The following PTPRN2 variants were observed in gnomAD, a reference collection of about 807,000 sequenced individuals.
PTPRN2 encodes protein tyrosine phosphatase receptor type N2.
Under a neutral mutation model 118.8 loss-of-function variants are expected in PTPRN2, and 74 were observed. The ratio of observed to expected loss-of-function variants is 0.62; its 90% confidence interval spans 0.52 to 0.76. The LOEUF is 0.76. PTPRN2 is among the 30% of genes least tolerant of loss of function. The pLI is 0.00. For synonymous variants in PTPRN2, 641 were observed against 608.0 expected, an observed-to-expected ratio of 1.05 and a Z score of -0.80; for missense variants, 1,481 against 1,394.4, an observed-to-expected ratio of 1.06 and a Z score of -0.99.
intron 12 of PTPRN2, chr7:157,862,421 A>G (rs1027897295): frequency 4.6e-5 from 7 of 152,208 alleles, no homozygotes; most frequent in African/African-American, 1.7e-4. Flanking sequence ...CACGTGTGCT[A>G]ATTTGCTGTA....
At position 157,590,363 on chromosome 7, in the gene PTPRN2, G is replaced by C. The variant is rs1563239559; in HGVS notation, c.2496+4875C>G. ...GACTTCCACAGACCCCTCTGAGCTG[G>C]AGTAAGGACCAGGAATTCAGCCGAA... is the stretch of plus-strand genomic sequence containing the variant. On this transcript the variant is annotated intron_variant, in intron 17 of 22. Coordinates refer to ENST00000389418, the MANE Select transcript of PTPRN2 (RefSeq NM_002847.5). This position sits in a 1 kb window ranked among gnomAD's most constrained non-coding sequence, Gnocchi z 4.0. Among the ~76,000 whole-genome samples, 1 of 152,188 alleles carries C rather than the reference G, an allele frequency of 6.6e-6. No homozygotes were observed. The highest frequency in any genetic ancestry group is 1.5e-5 in the Non-Finnish European group (1 of 68,032).
chr7:157,767,422 C>G lies in PTPRN2; in HGVS notation c.1789-84485G>C, dbSNP rs117204631. ...ACCCAATCTTTCTCTCTCCTTCTAC[C>G]TTGATAATGATGCCTGACACTTTGT... is the stretch of plus-strand genomic sequence containing the variant. On this transcript the variant is annotated intron_variant, in intron 12 of 22. Transcript: ENST00000389418. 3.9e-5 allele frequency among the ~76,000 whole-genome samples: 6 copies of G among 152,348 alleles called. No homozygotes were observed. The East Asian group carries it at 1.2e-3, about 29-fold the overall frequency.
At chr7:157,641,242 A>G (rs1804643586) in intron 14 of PTPRN2, among the ~76,000 whole-genome samples, 1 of 152,222 alleles carries the variant, frequency 6.6e-6, no homozygotes, top group Admixed American at 6.5e-5. Flanking sequence ...GAACTAGCCA[A>G]GGGGGAGAGA....
chr7:158,558,931 G>A (rs1827210138), intron 1 of PTPRN2, among the ~76,000 whole-genome samples: 1 of 152,076 alleles, frequency 6.6e-6, no homozygotes. Context: ...AATTATGACT[G>A]TATGTCATGT....
Position 157,682,713 on chromosome 7 carries a change from G to C in PTPRN2, c.2001+12C>G. On this transcript the variant is annotated intron_variant, in intron 13 of 22. Coordinates refer to ENST00000389418, the MANE Select transcript of PTPRN2 (RefSeq NM_002847.5). ...AATCCGATATACCACTTTTTAAAAA[G>C]TCTCCTCTTACCTGGTAGGCGGCAG... The C allele has an allele frequency of 6.2e-7, 1 of 1,607,788 alleles. No homozygotes were observed. Among genetic ancestry groups the C allele is most frequent in the Non-Finnish European group, 8.5e-7 (1 of 1,175,288 alleles).
rs543733757 is a variant in PTPRN2 at position 157,777,497 on chromosome 7, G to A, written c.1789-94560C>T. Among the ~76,000 whole-genome samples, 389 of 151,004 alleles carry A rather than the reference G, an allele frequency of 2.6e-3. 4 individuals are homozygous for A. The highest frequency in any genetic ancestry group is 8.7e-3 in the African/African-American group (356 of 41,004). On this transcript the variant is annotated intron_variant, in intron 12 of 22. Coordinates refer to ENST00000389418, the MANE Select transcript of PTPRN2 (RefSeq NM_002847.5). ...TCAGGGACGCAGCCTTCCTGATGCC[G>A]GAGGACACGCAGTGCCCCACACTGC...
intron 1 of PTPRN2, among the ~76,000 whole-genome samples, chr7:158,519,478 A>G (rs1357204484): frequency 1.3e-5 from 2 of 152,152 alleles, no homozygotes; most frequent in African/African-American, 4.8e-5. Context: ...CTCTCAGGGC[A>G]TGGGGGACCA....
chr7:157,613,991 C>T (rs991222806), intron 15 of PTPRN2: 1 of 470,740 alleles, frequency 2.1e-6, no homozygotes, highest in Non-Finnish European at 4.4e-6. Context: ...CAGGGCTGGC[C>T]TCCACATTCT....
In PTPRN2 at chr7:157,610,213, A is replaced by C. The variant is rs778606486; in HGVS notation, c.2345-6138T>G. Among the ~76,000 whole-genome samples, 9 of 152,278 alleles carry C rather than the reference A, an allele frequency of 5.9e-5. No individual in the cohort carries two copies. The highest frequency in any genetic ancestry group is 2.2e-4 in the African/African-American group (9 of 41,568). ...CATCTGTGAAGCCACTGCTGAGTCC[A>C]GGGGCCTCACGGAACTTGGCAATGG... On this transcript the variant is annotated intron_variant, in intron 15 of 22. Transcript: ENST00000389418. This position sits in a 1 kb window ranked among gnomAD's most constrained non-coding sequence, Gnocchi z 5.1.
chr7:158,176,993 G>A (rs1163815664), intron 5 of PTPRN2, among the ~76,000 whole-genome samples: 1 of 152,330 alleles, frequency 6.6e-6, no homozygotes, highest in East Asian at 1.9e-4. Context: ...AGGGATAGGG[G>A]AAGGTGGGCT....
rs1425031404 is a variant in PTPRN2 at position 157,737,812 on chromosome 7, T to C, written c.1789-54875A>G. Among the ~76,000 whole-genome samples the C allele has an allele frequency of 3.9e-5, 6 of 152,318 alleles. No homozygotes were observed. The East Asian group carries it at 1.2e-3, about 29-fold the overall frequency. ...CTTAGAAGGTCTGGAAGAGCCTGAC[T>C]AGGAATTAGGATGCTGTGCGTTAAT... is the stretch of plus-strand genomic sequence containing the variant. On this transcript the variant is annotated intron_variant, in intron 12 of 22. Transcript: ENST00000389418.
chr7:157,696,163 T>C lies in PTPRN2; in HGVS notation c.1789-13226A>G, dbSNP rs1267002119. Among the ~76,000 whole-genome samples the C allele has an allele frequency of 3.5e-5, 5 of 142,972 alleles. No individual in the cohort carries two copies. The East Asian group carries it at 6.7e-4, about 19-fold the overall frequency. The allele number at this position is 142,972 out of a possible 152,430, so 93.8% of individuals were successfully genotyped here. A position where few individuals can be genotyped will look rare whatever the true frequency, so the allele number is the denominator to read the frequency against. On this transcript the variant is annotated intron_variant, in intron 12 of 22. Transcript: ENST00000389418. ...AGAGCCCTCACCATCTACCCATGCA[T>C]ACTGGGTCTTGGGAGAGCCCTCACC... is the stretch of plus-strand genomic sequence containing the variant.
At chr7:158,272,247 G>A (rs7780275) in intron 3 of PTPRN2, among the ~76,000 whole-genome samples, 1,887 of 152,250 alleles carry the variant, frequency 0.012, 44 homozygotes, top group African/African-American at 0.043. Flanking sequence ...TCTTGTCTTC[G>A]GAGAGCCGCG....
intron 2 of PTPRN2, among the ~76,000 whole-genome samples, chr7:158,443,146 C>T (rs369480506): frequency 2.0e-4 from 30 of 152,144 alleles, no homozygotes; most frequent in Admixed American, 7.8e-4. Flanking sequence ...CTTGTTCCCA[C>T]TAGGTGGCCA....
intron 7 of PTPRN2, among the ~76,000 whole-genome samples, chr7:158,137,270 A>T (rs904493798): frequency 6.6e-6 from 1 of 152,030 alleles, no homozygotes; most frequent in African/African-American, 2.4e-5. Flanking sequence ...ACAAAAAATT[A>T]GCTGGGCGTG....
intron 15 of PTPRN2, among the ~76,000 whole-genome samples, chr7:157,605,569 TGAGGTATG>T (rs1233621051): frequency 4.6e-5 from 7 of 152,176 alleles, no homozygotes; most frequent in Non-Finnish European, 1.0e-4. Context: ...CCAGGAAGAA[TGAGGTATG>T]GAGACAAGTG....
intron 1 of PTPRN2, among the ~76,000 whole-genome samples, chr7:158,499,923 G>T (rs1661108860): frequency 6.7e-6 from 1 of 149,292 alleles, no homozygotes; most frequent in Admixed American, 6.7e-5. Flanking sequence ...AATGTATTAG[G>T]TTCAGTTTTA....
intron 11 of PTPRN2, among the ~76,000 whole-genome samples, chr7:158,041,772 A>C (rs558881908): frequency 1.3e-5 from 2 of 152,330 alleles, no homozygotes; most frequent in South Asian, 4.1e-4. Context: ...GGGTCCAAAA[A>C]AGCGAAACGA....
intron 5 of PTPRN2, among the ~76,000 whole-genome samples, chr7:158,188,185 GCGA>G (rs1825355683): frequency 2.1e-5 from 1 of 47,954 alleles, no homozygotes; most frequent in African/African-American, 6.4e-5. Context: ...CGCTCGCCCC[GCGA>G]TGGGGAAGGC....
Sources: gnomAD v4.1 joint callset for allele counts (sites outside exome capture counted in the v4.1 genomes callset) on GRCh38, gnomAD v4.1.1 for gene constraint, Gnocchi (gnomAD v3.1) non-coding constraint, MANE v1.5 for transcripts, NCBI Gene and HGNC (gene_info 2026-07-23, HGNC 2026-07-21) for gene names.